The following SLC35F4 variants were observed in gnomAD, a reference collection of about 807,000 sequenced individuals.
SLC35F4 encodes the protein chromosome 14 open reading frame 36.
In SLC35F4, 24 loss-of-function variants were observed where a neutral mutation model predicts 44.2. The observed-to-expected ratio is 0.54, with a 90% CI of 0.39 to 0.76. The LOEUF (loss-of-function observed/expected upper bound fraction) is 0.76, where lower values mean the gene tolerates loss of function less well. Among genes scored for constraint, SLC35F4 ranks in the 30% least tolerant of loss-of-function variants. The pLI is 0.00. For synonymous variants in SLC35F4, 238 were observed against 223.6 expected (o/e 1.06, Z -0.57); for missense variants, 562 against 586.1 (o/e 0.96, Z 0.42).
rs12436443 is a variant in SLC35F4 at position 57,885,281 on chromosome 14, G to A, written n.282+96632C>T. Among the ~76,000 whole-genome samples, 84 of 152,278 alleles carry A rather than the reference G, an allele frequency of 5.5e-4. 1 individual carries two copies. The highest frequency in any genetic ancestry group is 3.4e-3 in the Admixed American group (52 of 15,284). ...CTGTACCTTTGAATGCAGGTAGTAT[G>A]TTAGAGGAATGCAGGTAATGAAAGG... On this transcript the variant is annotated intron_variant and non_coding_transcript_variant, in intron 1 of 1. Coordinates refer to the SLC35F4 transcript ENST00000556568.
chr14:57,959,637 G>A (rs1890305733), intron 1 of SLC35F4, among the ~76,000 whole-genome samples: 1 of 152,178 alleles, frequency 6.6e-6, no homozygotes, highest in Admixed American at 6.5e-5. Context: ...GAGCAGCACT[G>A]TAGGTTGAAG....
chr14:57,700,913 C>G (rs980605881), intron 1 of SLC35F4, among the ~76,000 whole-genome samples: 3 of 152,040 alleles, frequency 2.0e-5, no homozygotes, highest in Non-Finnish European at 4.4e-5. Context: ...GTCAAACAAA[C>G]AAAAAAGCCC....
At chr14:57,598,274 C>G (rs1029191740) in intron 1 of SLC35F4, among the ~76,000 whole-genome samples, 1 of 152,178 alleles carries the variant, frequency 6.6e-6, no homozygotes, top group African/African-American at 2.4e-5. Flanking sequence ...TGAGAGAAAT[C>G]TAGTTGCACA....
intron 1 of SLC35F4, among the ~76,000 whole-genome samples, chr14:57,755,549 C>G (rs2076976047): frequency 6.6e-6 from 1 of 152,102 alleles, no homozygotes; most frequent in Admixed American, 6.5e-5. Context: ...CTTTTGCACC[C>G]CTAAGCTCAT....
At chr14:57,761,628 C>A (rs2077126895) in intron 1 of SLC35F4, among the ~76,000 whole-genome samples, 1 of 152,002 alleles carries the variant, frequency 6.6e-6, no homozygotes, top group East Asian at 1.9e-4. Context: ...ATAAATAATT[C>A]TCTCACAGAG....
chr14:57,782,665 T>A (rs146481254), intron 1 of SLC35F4, among the ~76,000 whole-genome samples: 1 of 152,344 alleles, frequency 6.6e-6, no homozygotes, highest in East Asian at 1.9e-4. Context: ...AGCTCAAGTG[T>A]TGTCAGCATC....
intron 1 of SLC35F4, among the ~76,000 whole-genome samples, chr14:57,686,672 C>T (rs964366268): frequency 2.6e-5 from 4 of 152,104 alleles, no homozygotes; most frequent in African/African-American, 2.4e-5. Context: ...AATTCCATTT[C>T]GGCACAAGAC....
intron 1 of SLC35F4, among the ~76,000 whole-genome samples, chr14:57,762,349 G>A (rs1027954158): frequency 7.2e-5 from 11 of 152,090 alleles, no homozygotes; most frequent in African/African-American, 2.7e-4. Context: ...ACAAGACTTG[G>A]ACAAGAAGCA....
At chr14:57,934,617 G>A (rs1322710935) in intron 1 of SLC35F4, among the ~76,000 whole-genome samples, 1 of 151,992 alleles carries the variant, frequency 6.6e-6, no homozygotes, top group Non-Finnish European at 1.5e-5. Flanking sequence ...CAGAAAGGCT[G>A]CATAGAGTCA....
intron 1 of SLC35F4, among the ~76,000 whole-genome samples, chr14:57,865,442 G>A (rs1235984163): frequency 6.6e-6 from 1 of 152,192 alleles, no homozygotes; most frequent in Non-Finnish European, 1.5e-5. Flanking sequence ...GCGGTCAGGA[G>A]CGCTCACCAG....
intron 1 of SLC35F4, among the ~76,000 whole-genome samples, chr14:57,937,564 GAAA>G (rs1889821444): frequency 8.2e-6 from 1 of 121,686 alleles, no homozygotes; most frequent in Non-Finnish European, 1.7e-5. Flanking sequence ...GGAAAGAAAA[GAAA>G]AGAAAAGAGA....
chr14:57,813,356 G>A (rs1301434895), intron 1 of SLC35F4, among the ~76,000 whole-genome samples: 3 of 152,110 alleles, frequency 2.0e-5, no homozygotes, highest in Non-Finnish European at 2.9e-5. Context: ...TTGGGAGGCC[G>A]AAGCCAGTGG....
intron 1 of SLC35F4, among the ~76,000 whole-genome samples, chr14:57,718,168 G>A (rs1370782674): frequency 6.6e-6 from 1 of 152,146 alleles, no homozygotes; most frequent in Non-Finnish European, 1.5e-5. Context: ...TGTTGCAAAT[G>A]GTAGTCTCAT....
intron 6 of SLC35F4, among the ~76,000 whole-genome samples, chr14:57,567,499 G>C (rs761372085): frequency 6.6e-6 from 1 of 152,118 alleles, no homozygotes; most frequent in African/African-American, 2.4e-5. Context: ...TGTAATTCCC[G>C]CTTTAAGCCC....
At chr14:57,619,405 T>C (rs772080291) in intron 1 of SLC35F4, among the ~76,000 whole-genome samples, 1 of 152,178 alleles carries the variant, frequency 6.6e-6, no homozygotes, top group Non-Finnish European at 1.5e-5. Context: ...AAAAAAGGTC[T>C]GGAGTGGACC....
intron 1 of SLC35F4, among the ~76,000 whole-genome samples, chr14:57,597,742 A>C (rs974993770): frequency 6.6e-6 from 1 of 152,204 alleles, no homozygotes; most frequent in Admixed American, 6.5e-5. Context: ...CCGTAGAAGC[A>C]AATAGTCAGA....
intron 1 of SLC35F4, among the ~76,000 whole-genome samples, chr14:57,829,112 G>T (rs186822929): frequency 1.3e-5 from 2 of 152,184 alleles, no homozygotes; most frequent in African/African-American, 4.8e-5. Context: ...TCACACAAAG[G>T]TTCTGACATC....
chr14:57,672,199 T>C (rs2074543489), intron 1 of SLC35F4, among the ~76,000 whole-genome samples: 1 of 152,052 alleles, frequency 6.6e-6, no homozygotes, highest in Non-Finnish European at 1.5e-5. Flanking sequence ...TCTTTCTAAA[T>C]ATTCCACTAC....
intron 1 of SLC35F4, among the ~76,000 whole-genome samples, chr14:57,848,552 C>T (rs375259609): frequency 3.8e-4 from 58 of 152,286 alleles, no homozygotes; most frequent in East Asian, 2.9e-3. Context: ...AGCTGATTAA[C>T]GGTAGAGTCA....
Sources: gnomAD v4.1 joint callset for allele counts (sites outside exome capture counted in the v4.1 genomes callset) on GRCh38, gnomAD v4.1.1 for gene constraint, MANE v1.5 for transcripts, NCBI Gene and HGNC (gene_info 2026-07-23, HGNC 2026-07-21) for gene names.